EYA3: variants seen among roughly 807,000 people sequenced by gnomAD.
The protein encoded by EYA3 is protein phosphatase EYA3.
Under a neutral mutation model 80.0 loss-of-function variants are expected in EYA3, and 39 were observed. The ratio of observed to expected loss-of-function variants is 0.49; its 90% CI spans 0.38 to 0.64. The LOEUF is 0.64. Ranked by LOEUF, EYA3 falls within the 30% of genes least tolerant of loss-of-function variation. The pLI is 0.00. For synonymous variants in EYA3, 206 were observed against 232.8 expected (o/e 0.88, Z 1.05); for missense variants, 523 against 676.1 (o/e 0.77, Z 2.51).
At chr1:27,994,050 G>A (rs973923024) in intron 13 of EYA3, among the ~76,000 whole-genome samples, 9 of 152,106 alleles carry the variant, frequency 5.9e-5, no homozygotes, top group African/African-American at 1.9e-4. Flanking sequence ...AGGTCACTGT[G>A]GTAGCTTCAA....
At chr1:27,995,349 C>A in intron 13 of EYA3, among the ~76,000 whole-genome samples, 1 of 136,666 alleles carries the variant, frequency 7.3e-6, no homozygotes, top group Non-Finnish European at 1.6e-5. Flanking sequence ...GAGGGTGAAG[C>A]TACAGCAAGC....
Position 28,036,840 on chromosome 1 carries a change from T to A in EYA3, c.225-1160A>T, listed in dbSNP as rs563447805. On this transcript the variant is annotated intron_variant, in intron 5 of 17. Coordinates refer to ENST00000373871, the MANE Select transcript of EYA3 (RefSeq NM_001990.4). ...TAATAAAATATAGCAGGGGGTGTTT[T>A]AAAGGGGAAATTTTTTTTTTCACCT... Among the ~76,000 whole-genome samples, 10 of 152,244 alleles carry A rather than the reference T, an allele frequency of 6.6e-5. No individual in the cohort carries two copies. In the East Asian group the frequency reaches 1.9e-3, roughly 29 times the overall value.
intron 17 of EYA3, among the ~76,000 whole-genome samples, chr1:27,975,790 T>TTTAAA (rs1281396673): frequency 2.6e-5 from 4 of 151,544 alleles, no homozygotes; most frequent in Non-Finnish European, 4.4e-5. Context: ...GGCCGATATT[T>TTTAAA]TTAAATTAAA....
chr1:28,017,128 C>T (rs1642122069), intron 8 of EYA3, 26 bp downstream of exon 8: 2 of 1,581,522 alleles, frequency 1.3e-6, no homozygotes, highest in Non-Finnish European at 1.7e-6. Context: ...CTCTATCAAA[C>T]AGGATGAACA....
At chr1:28,015,503 T>C (rs528649393) in intron 8 of EYA3, among the ~76,000 whole-genome samples, 1 of 152,158 alleles carries the variant, frequency 6.6e-6, no homozygotes, top group East Asian at 1.9e-4. Flanking sequence ...CACTCTGGCC[T>C]GGGTGACAGA....
intron 16 of EYA3, among the ~76,000 whole-genome samples, chr1:27,985,257 AAAAAC>A (rs962962845): frequency 7.7e-6 from 1 of 129,648 alleles, no homozygotes; most frequent in Non-Finnish European, 1.8e-5. Flanking sequence ...AAAAAACAAA[AAAAAC>A]AAAAACAAAA....
At position 28,014,417 on chromosome 1, in the gene EYA3, C is replaced by CAA. The variant is rs1173842687; in HGVS notation, c.586-1125_586-1124dup. 6.4e-3 allele frequency among the ~76,000 whole-genome samples: 317 copies of CAA among 49,500 alleles called. 24 individuals are homozygous for CAA. Among genetic ancestry groups the CAA allele is most frequent in the African/African-American group, 0.021 (279 of 13,394 alleles). The allele number at this position is 49,500 out of a possible 152,430, so 32.5% of individuals were successfully genotyped here. ...CTCTAGCCTAGGTGACACACTGTCT[C>CAA]AAAAAAAAAAAAAAAAAAAAAAAAA... is the stretch of plus-strand genomic sequence containing the variant. On this transcript the variant is annotated intron_variant, in intron 8 of 17. Transcript: ENST00000373871.
At chr1:28,004,550 C>G in intron 10 of EYA3, 131 bp from the exon 11 acceptor site, 1 of 574,302 alleles carries the variant, frequency 1.7e-6, no homozygotes, top group East Asian at 2.9e-5. Flanking sequence ...CCTAAACAAC[C>G]AATGCGTCAA....
Position 28,004,267 on chromosome 1 carries a change from ATG to A in EYA3, c.993+67_993+68del. 9.4e-6 allele frequency: 10 copies of A among 1,059,330 alleles called. No homozygotes were observed. The South Asian group carries it at 1.6e-4, about 17-fold the overall frequency. 65.6% of individuals were successfully genotyped at this position (1,059,330 alleles called of 1,614,324 possible). A position where few individuals can be genotyped will look rare whatever the true frequency, so the allele number is the denominator to read the frequency against. On this transcript the variant is annotated intron_variant, in intron 11 of 17. Transcript: ENST00000373871. ...AGGGGTAGCAGAGAAATAATTTGTT[ATG>A]TGTCAGAAGAGGGACTGACTATATA...
Position 27,995,419 on chromosome 1 carries a change from AGG to A in EYA3, c.1143-1861_1143-1860del, listed in dbSNP as rs1282530461. The stretch of plus-strand genomic sequence containing the variant: ...TGCCAGAGCGAGACCCTATCTTAAA[AGG>A]AAAAAAAAAAAAAAAAAAAAGACAA... On this transcript the variant is annotated intron_variant, in intron 13 of 17. Coordinates refer to ENST00000373871, the MANE Select transcript of EYA3 (RefSeq NM_001990.4). 4.2e-5 allele frequency among the ~76,000 whole-genome samples: 6 copies of A among 144,104 alleles called. 1 individual carries two copies. Among genetic ancestry groups the A allele is most frequent in the Admixed American group, 7.0e-5 (1 of 14,358 alleles). 94.5% of individuals were successfully genotyped at this position (144,104 alleles called of 152,430 possible).
intron 6 of EYA3, among the ~76,000 whole-genome samples, chr1:28,030,571 G>A (rs548625145): frequency 6.6e-6 from 1 of 152,290 alleles, no homozygotes; most frequent in African/African-American, 2.4e-5. Flanking sequence ...ATAGGTATGG[G>A]TCACCGTGCC....
intron 7 of EYA3, among the ~76,000 whole-genome samples, chr1:28,027,330 T>C (rs749427440): frequency 2.0e-5 from 3 of 152,196 alleles, no homozygotes; most frequent in South Asian, 2.1e-4. Flanking sequence ...AATGAACTTC[T>C]TGAGCAAGAG....
chr1:28,005,494 G>A (rs929581356), intron 10 of EYA3, among the ~76,000 whole-genome samples: 2 of 152,218 alleles, frequency 1.3e-5, no homozygotes, highest in East Asian at 1.9e-4. Flanking sequence ...CAGGCAGATC[G>A]CTTGAGCCCA....
intron 8 of EYA3, among the ~76,000 whole-genome samples, chr1:28,015,528 CA>C (rs1362764205): frequency 2.0e-5 from 3 of 151,552 alleles, no homozygotes; most frequent in Non-Finnish European, 4.4e-5. Flanking sequence ...GACTCTGTCT[CA>C]AAAAACAAAC....
chr1:28,046,260 T>A (rs1406444549), intron 3 of EYA3, among the ~76,000 whole-genome samples: 1 of 152,204 alleles, frequency 6.6e-6, no homozygotes, highest in Non-Finnish European at 1.5e-5. Flanking sequence ...TGTGTGTATT[T>A]TATCATAGTA....
intron 10 of EYA3, among the ~76,000 whole-genome samples, chr1:28,006,575 A>G (rs1005955606): frequency 6.6e-6 from 1 of 151,924 alleles, no homozygotes; most frequent in Non-Finnish European, 1.5e-5. Context: ...GTGTGGTGGC[A>G]CGCGCCTGTA....
chr1:28,007,753 T>C (rs547831065), intron 10 of EYA3, among the ~76,000 whole-genome samples: 12 of 152,264 alleles, frequency 7.9e-5, no homozygotes, highest in Admixed American at 3.3e-4. Flanking sequence ...CATAGCTAAA[T>C]AAACGGAAAG....
At chr1:27,985,307 G>C (rs1273731632) in intron 16 of EYA3, among the ~76,000 whole-genome samples, 1 of 151,822 alleles carries the variant, frequency 6.6e-6, no homozygotes, top group South Asian at 2.1e-4. Context: ...TTGAACCCCC[G>C]GGCTCAAGCA....
At chr1:27,981,691 T>C (rs1338893281) in intron 16 of EYA3, among the ~76,000 whole-genome samples, 1 of 150,834 alleles carries the variant, frequency 6.6e-6, no homozygotes, top group African/African-American at 2.4e-5. Context: ...GGTGGGAGGG[T>C]TGCTTGAGCC....
Sources: allele counts gnomAD v4.1 joint callset (sites outside exome capture counted in the v4.1 genomes callset), GRCh38; gene constraint gnomAD v4.1.1; transcripts MANE v1.5; gene names NCBI Gene and HGNC (gene_info 2026-07-23, HGNC 2026-07-21).